Variants in TTN observed in about 807,000 individuals in gnomAD.
TTN encodes the protein connectin.
A neutral mutation model predicts 3,223.0 loss-of-function variants in TTN; 1,525 were observed. The observed-to-expected ratio is 0.47, with a 90% CI of 0.45 to 0.49. The LOEUF is 0.49. Among genes scored for constraint, TTN ranks in the 20% least tolerant of loss-of-function variants. TTN has a pLI of 0.00. For synonymous variants in TTN, 14,094 were observed against 15,161.0 expected, an observed-to-expected ratio of 0.93 and a Z score of 5.17; for missense variants, 40,786 against 43,424.0, an observed-to-expected ratio of 0.94 and a Z score of 5.40.
chr2:178,743,861 G>C (rs1208477613), intron 47 of TTN, among the ~76,000 whole-genome samples: 1 of 151,972 alleles, frequency 6.6e-6, no homozygotes, highest in Non-Finnish European at 1.5e-5. Context: ...TGTGCTCACT[G>C]GTTGGAACAG....
intron 137 of TTN, 56 bp from the exon 138 acceptor site, chr2:178,681,227 A>G (rs1241659830): frequency 2.7e-6 from 4 of 1,497,812 alleles, no homozygotes; most frequent in African/African-American, 1.4e-5. Flanking sequence ...AATACTATGT[A>G]ATAAATACAC....
intron 122 of TTN, 59 bp from the exon 123 acceptor site, chr2:178,689,654 T>A: frequency 1.4e-6 from 2 of 1,474,930 alleles, no homozygotes; most frequent in Non-Finnish European, 9.2e-7. Flanking sequence ...TGCACAGTTA[T>A]TTTTTTTAAG....
chr2:178,785,016 A>G (rs1414536317), intron 15 of TTN, among the ~76,000 whole-genome samples: 1 of 152,188 alleles, frequency 6.6e-6, no homozygotes, highest in Admixed American at 6.5e-5. Context: ...TTACATGCTG[A>G]CAACTGCAGG....
chr2:178,614,855 T>C lies in TTN; in HGVS notation c.48752A>G (p.Asp16251Gly). 6.4e-7 allele frequency: 1 copy of C among 1,571,886 alleles called. No individual in the cohort carries two copies. The change falls in exon 260 of 363, where the codon GAC becomes GGC. Residue 16251 changes from aspartate (D) to glycine (G), a missense_variant. Asp to Gly is a moderately conservative substitution (Grantham distance 94). Coordinates refer to ENST00000589042, the MANE Select transcript of TTN (RefSeq NM_001267550.2). The stretch of plus-strand genomic sequence containing the variant: ...AAATCAAAAATAGATACCTTGTGTG[T>C]CCACAGCCTGGATTTCCTCTGTGGG... Reference protein sequence around the residue: ...SRPTEEIQAVDTQEAPEIFLD... With the variant: ...SRPTEEIQAVGTQEAPEIFLD...
At position 178,807,394 on chromosome 2, in the gene TTN, C is replaced by G. The variant is rs950716768; in HGVS notation, c.-196G>C. The G allele has an allele frequency of 7.2e-5, 11 of 152,088 alleles. 1 individual carries two copies. The South Asian group carries it at 2.3e-3, about 32-fold the overall frequency. The allele number at this position is 152,088 out of a possible 1,614,324, so 9.4% of individuals were successfully genotyped here. ...TGCTTTTCTATGCAATCCCTACACC[C>G]GAGGCGAGGCTGGGAATGCACGACT... On this transcript the variant is annotated 5_prime_UTR_variant, in exon 1 of 363. Transcript: ENST00000589042.
intron 215 of TTN, among the ~76,000 whole-genome samples, 186 bp downstream of exon 215, chr2:178,646,878 A>G (rs1027894227): frequency 1.3e-5 from 2 of 152,006 alleles, no homozygotes; most frequent in African/African-American, 4.8e-5. Flanking sequence ...ATTACCAACA[A>G]CAGTAACTAA....
chr2:178,629,237 T>C, intron 240 of TTN, 64 bp downstream of exon 240: 1 of 1,575,824 alleles, frequency 6.3e-7, no homozygotes, highest in African/African-American at 1.4e-5. Flanking sequence ...ATAAGGAACA[T>C]ACAAGTGAAG....
In TTN at chr2:178,741,913, T is replaced by C. The variant is rs371971501; in HGVS notation, c.11320A>G (p.Ser3774Gly). The change falls in exon 48 of 363, where the codon AGT becomes GGT. Residue 3774 changes from serine (S) to glycine (G), a missense_variant. Coordinates refer to ENST00000589042, the MANE Select transcript of TTN (RefSeq NM_001267550.2). ...TCTTCCTCGGCAGACAGAAAAGAAC[T>C]AGAAAACTCTGTATGGGGAAAAATG... ...EIEMEMKEFS[S>G]SFLSAEEEGL... 11 of 1,534,246 alleles carry C rather than the reference T, an allele frequency of 7.2e-6. No individual in the cohort carries two copies. The highest frequency in any genetic ancestry group is 3.4e-4 in the Middle Eastern group (2 of 5,858).
chr2:178,553,594 A>G lies in TTN; in HGVS notation c.89411T>C (p.Val29804Ala), dbSNP rs776305807. ...EYVVSNLKPG[V>A]NYYFRVSAVN... ...AGCAGATACCCGGAAGTAGTAATTGACTCCAGGTTTCAGGTTGGATACCAC... is the reference window on the plus strand; with the variant it reads ...AGCAGATACCCGGAAGTAGTAATTGGCTCCAGGTTTCAGGTTGGATACCAC... The change falls in exon 334 of 363, where the codon GTC (valine) becomes GCC (alanine). Residue 29804 changes from valine (V) to alanine (A), a missense_variant. By Grantham distance (64) the Val-to-Ala change is moderately conservative. Transcript: ENST00000589042. 3 of 1,613,778 alleles carry G rather than the reference A, an allele frequency of 1.9e-6. No homozygotes were observed. The South Asian group carries it at 3.3e-5, about 18-fold the overall frequency.
chr2:178,799,955 C>A, intron 4 of TTN, 45 bp from the exon 5 acceptor site: 1 of 1,588,566 alleles, frequency 6.3e-7, no homozygotes, highest in Non-Finnish European at 8.6e-7. Context: ...GCACAATGAC[C>A]CATTTTAAAA....
chr2:178,796,140 G>T (rs1226575891), intron 6 of TTN, among the ~76,000 whole-genome samples: 1 of 152,072 alleles, frequency 6.6e-6, no homozygotes, highest in Non-Finnish European at 1.5e-5. Context: ...CAGCACTGAT[G>T]GCCAAAAAAG....
rs1353834908 is a variant in TTN, at chr2:178,564,106, A to T, written c.82026T>A (p.Thr27342=). 1.9e-6 allele frequency: 3 copies of T among 1,613,778 alleles called. No homozygotes were observed. The Admixed American group carries it at 5.0e-5, about 27-fold the overall frequency. Residue 27342 remains threonine, a synonymous_variant, in exon 326 of 363, where the codon ACT becomes ACA. Transcript: ENST00000589042. Reference sequence around the variant, plus strand: ...GTTTCAGAATATATTGTCCTCCATCAGTCCGTATACAGTCTTTGACAACAA... The same window carrying T: ...GTTTCAGAATATATTGTCCTCCATCTGTCCGTATACAGTCTTTGACAACAA... ...TTLVVKDCIR[T]DGGQYILKLS... is the part of the protein sequence containing the mutation.
rs527976757 is a variant in TTN, at chr2:178,546,475, C to T, written c.94856G>A (p.Arg31619Gln). The T allele has an allele frequency of 8.1e-6, 13 of 1,612,716 alleles. No homozygotes were observed. Among genetic ancestry groups the T allele is most frequent in the African/African-American group, 2.7e-5 (2 of 74,996 alleles). ...YAPPKAELDARLHGDLVTIRA... is the reference protein window; with the variant it reads ...YAPPKAELDAQLHGDLVTIRA... The stretch of plus-strand genomic sequence containing the variant: ...GATGGTAACCAGATCACCGTGTAAT[C>T]GGGCATCCAGTTCGGCTTTGGGTGG... Residue 31619 changes from arginine (R) to glutamine (Q), a missense_variant, in exon 342 of 363, where the codon CGA becomes CAA. Physicochemically the swap from Arg to Gln is conservative, Grantham distance 43. Coordinates refer to ENST00000589042, the MANE Select transcript of TTN (RefSeq NM_001267550.2).
At chr2:178,669,823 T>A in intron 157 of TTN, 148 bp from the exon 158 acceptor site, 1 of 759,862 alleles carries the variant, frequency 1.3e-6, no homozygotes, top group Non-Finnish European at 2.2e-6. Context: ...ATTGCATTTC[T>A]CTGAATTGCT....
At chr2:178,680,831 A>G (rs2069198655) in intron 138 of TTN, among the ~76,000 whole-genome samples, 1 of 152,096 alleles carries the variant, frequency 6.6e-6, no homozygotes, top group African/African-American at 2.4e-5. Flanking sequence ...CAAACATTCT[A>G]TTTTATATGT....
At position 178,547,971 on chromosome 2, in the gene TTN, C is replaced by T. The variant is rs2154147060; in HGVS notation, c.93655G>A (p.Gly31219Arg). 1.9e-6 allele frequency: 3 copies of T among 1,613,548 alleles called. No homozygotes were observed. The highest frequency in any genetic ancestry group is 1.7e-4 in the Middle Eastern group (1 of 6,056). Reference sequence around the variant, plus strand: ...CAAGTTATAAGCTGATTGGTAATTCCAGTGAGGTCAGCAGTGGGCTCGATT... The same window carrying T: ...CAAGTTATAAGCTGATTGGTAATTCTAGTGAGGTCAGCAGTGGGCTCGATT... The part of the protein sequence containing the change: ...PQIEPTADLT[G>R]ITNQLITCKA... Residue 31219 changes from glycine (G) to arginine (R), a missense_variant, in exon 339 of 363, where the codon GGA becomes AGA. By Grantham distance (125) the Gly-to-Arg change is moderately radical. Coordinates refer to ENST00000589042, the MANE Select transcript of TTN (RefSeq NM_001267550.2).
chr2:178,539,764 C>G lies in TTN; in HGVS notation c.98301G>C (p.Arg32767Ser), dbSNP rs995110630. Residue 32767 changes from arginine to serine, a missense_variant, in exon 352 of 363, where the codon AGG (arginine) becomes AGC (serine). Physicochemically the swap from Arg to Ser is moderately radical, Grantham distance 110. Transcript: ENST00000589042. Reference sequence around the variant, plus strand: ...CCAGGTCATAAGTGCCAGAATCACCCCTGTCTGCTTCTTTGATCACAAGCT... The same window carrying G: ...CCAGGTCATAAGTGCCAGAATCACCGCTGTCTGCTTCTTTGATCACAAGCT... The part of the protein sequence containing the change: ...HTELVIKEAD[R>S]GDSGTYDLVL... The G allele has an allele frequency of 1.2e-6, 2 of 1,613,780 alleles. No homozygotes were observed. The highest frequency in any genetic ancestry group is 4.5e-5 in the East Asian group (2 of 44,866).
chr2:178,633,670 TC>T lies in TTN; in HGVS notation c.42688del (p.Asp14230IlefsTer6). ...ATGTAATTTCACAGTGAAGTAGGGA[TC>T]GGCCTCTGTAAAAGACATTTAGCAT... ...STAQLKVLEA[D>X]PYFTVKLHDK... On this transcript the variant is annotated frameshift_variant, in exon 232 of 363. Coordinates refer to ENST00000589042, the MANE Select transcript of TTN (RefSeq NM_001267550.2). LOFTEE classifies it high-confidence loss of function. 1.2e-6 allele frequency: 2 copies of T among 1,612,570 alleles called. No individual in the cohort carries two copies. Among genetic ancestry groups the T allele is most frequent in the Non-Finnish European group, 1.7e-6 (2 of 1,179,324 alleles).
chr2:178,653,274 C>G lies in TTN; in HGVS notation c.38755G>C (p.Ala12919Pro). Residue 12919 changes from alanine (A) to proline (P), a missense_variant, in exon 198 of 363, where the codon GCT (alanine) becomes CCT (proline). Coordinates refer to ENST00000589042, the MANE Select transcript of TTN (RefSeq NM_001267550.2). ...EVVLEKKVPL[A>P]PPKKPEVPPV... The stretch of plus-strand genomic sequence containing the variant: ...GGGACTTCAGGCTTTTTAGGAGGAG[C>G]CAAGGGCACTTTCTTTTCAAGGACA... 4 of 1,610,442 alleles carry G rather than the reference C, an allele frequency of 2.5e-6. No homozygotes were observed. In the African/African-American group the frequency reaches 4.0e-5, roughly 16 times the overall value.
Sources: gnomAD v4.1 joint callset for allele counts (sites outside exome capture counted in the v4.1 genomes callset) on GRCh38, gnomAD v4.1.1 for gene constraint, MANE v1.5 for transcripts, NCBI Gene and HGNC (gene_info 2026-07-23, HGNC 2026-07-21) for gene names.